GPR19: variants seen among roughly 807,000 people sequenced by gnomAD.
The protein encoded by GPR19 is probable G protein-coupled receptor 19.
A neutral mutation model predicts 28.5 loss-of-function variants in GPR19; 14 were observed. The ratio of observed to expected loss-of-function variants is 0.49; its 90% CI spans 0.32 to 0.77. The LOEUF is 0.77. Among genes scored for constraint, GPR19 ranks in the 30% least tolerant of loss-of-function variants. The probability of loss-of-function intolerance (pLI) is 0.03; values close to 1 mark genes in which losing one functional copy is unlikely to be tolerated. For synonymous variants in GPR19, 173 were observed against 184.1 expected, an observed-to-expected ratio of 0.94 and a Z score of 0.49; for missense variants, 409 against 504.1, an observed-to-expected ratio of 0.81 and a Z score of 1.81.
At chr12:12,686,243 T>A (rs755194506) in intron 2 of GPR19, among the ~76,000 whole-genome samples, 14 of 152,236 alleles carry the variant, frequency 9.2e-5, no homozygotes, top group Non-Finnish European at 1.8e-4. Flanking sequence ...AGCTGGAGTA[T>A]AATTTTCAAG....
At position 12,661,780 on chromosome 12, in the gene GPR19, G is replaced by GTAGGTT; in HGVS notation, c.668_669insAACCTA (p.Ala222_Tyr223insTer). On this transcript the variant is annotated stop_gained, in exon 4 of 4. Transcript: ENST00000651487. LOFTEE classifies it high-confidence loss of function. The surrounding 1 kb of genome is among the most constrained non-coding windows in gnomAD (Gnocchi z 4.2). The stretch of plus-strand genomic sequence containing the variant: ...AGCCCACCAAGAAGTGGATGACAGT[G>GTAGGTT]TAGGCAGTGCCTTCCCAAGAGGAGG... The GTAGGTT allele has an allele frequency of 6.2e-7, 1 of 1,614,136 alleles. No homozygotes were observed. The highest frequency in any genetic ancestry group is 8.5e-7 in the Non-Finnish European group (1 of 1,179,992).
At chr12:12,688,441 A>G (rs980778218) in intron 2 of GPR19, 1 of 152,200 alleles carries the variant, frequency 6.6e-6, no homozygotes, top group African/African-American at 2.4e-5. Flanking sequence ...ATAATATTCT[A>G]CAAGAGAACT....
intron 2 of GPR19, among the ~76,000 whole-genome samples, chr12:12,685,362 T>C (rs1946080486): frequency 6.7e-6 from 1 of 149,180 alleles, no homozygotes; most frequent in South Asian, 2.2e-4. Flanking sequence ...CAGAAACACA[T>C]AGGAATTCTG....
At position 12,670,318 on chromosome 12, in the gene GPR19, G is replaced by T. The variant is rs140499115; in HGVS notation, c.-22-7848C>A. 1.6e-3 allele frequency among the ~76,000 whole-genome samples: 247 copies of T among 152,292 alleles called. 8 individuals are homozygous for T. The East Asian group carries it at 0.039, about 24-fold the overall frequency. On this transcript the variant is annotated intron_variant, in intron 3 of 3. Transcript: ENST00000651487. Reference sequence around the variant, plus strand: ...GTTAAATCTGGCAAACCTACACCCAGAATGTAATCTTCTGCTAAAAAAATC... The same window carrying T: ...GTTAAATCTGGCAAACCTACACCCATAATGTAATCTTCTGCTAAAAAAATC...
chr12:12,694,779 C>T, intron 2 of GPR19, among the ~76,000 whole-genome samples: 1 of 152,260 alleles, frequency 6.6e-6, no homozygotes, highest in African/African-American at 2.4e-5. Flanking sequence ...GACATCATAT[C>T]GAGATGTCAT....
At chr12:12,665,246 C>T (rs372909061) in intron 3 of GPR19, among the ~76,000 whole-genome samples, 208 of 152,264 alleles carry the variant, frequency 1.4e-3, no homozygotes, top group African/African-American at 4.7e-3. Context: ...CTCTTTCTTC[C>T]TCTAACAACA....
chr12:12,663,066 C>T (rs1453727564), intron 3 of GPR19, among the ~76,000 whole-genome samples: 1 of 152,194 alleles, frequency 6.6e-6, no homozygotes, highest in Non-Finnish European at 1.5e-5. Context: ...AACACTGCTA[C>T]ATGAGCCAGA....
the GPR19 span, among the ~76,000 whole-genome samples, chr12:12,702,830 AATG>A: frequency 2.6e-5 from 4 of 152,188 alleles, no homozygotes; most frequent in African/African-American, 9.7e-5. Flanking sequence ...GGTGTTAAAA[AATG>A]ATGATTTAAT....
At chr12:12,709,075 C>T in the GPR19 span, among the ~76,000 whole-genome samples, 123,656 of 151,402 alleles carry the variant, frequency 0.82, 51,132 homozygotes, top group East Asian at 0.94. Context: ...TAAAGTATTA[C>T]GTTAATTAGG....
intron 2 of GPR19, among the ~76,000 whole-genome samples, chr12:12,692,448 G>A (rs1946196959): frequency 6.6e-6 from 1 of 152,018 alleles, no homozygotes; most frequent in Non-Finnish European, 1.5e-5. Flanking sequence ...GCCCAGACCG[G>A]TCTTGAACTC....
intron 3 of GPR19, among the ~76,000 whole-genome samples, chr12:12,671,693 C>G (rs945385833): frequency 6.6e-6 from 1 of 152,166 alleles, no homozygotes; most frequent in African/African-American, 2.4e-5. Context: ...ATTCCTGGCT[C>G]AGAAATTCTG....
In GPR19 at chr12:12,662,333, T is replaced by A; in HGVS notation, c.116A>T (p.Tyr39Phe). Residue 39 changes from tyrosine (Y) to phenylalanine (F), a missense_variant, in exon 4 of 4, where the codon TAC becomes TTC. Physicochemically the swap from Tyr to Phe is conservative, Grantham distance 22. Coordinates refer to ENST00000651487, the MANE Select transcript of GPR19 (RefSeq NM_006143.3). ...GTGCTCCTCACTTAATTCCATCAGG[T>A]ATTGGCTTGGCAGAGGTGTGGCTGT... ...TETATPLPSQYLMELSEEHSW... is the reference protein window; with the variant it reads ...TETATPLPSQFLMELSEEHSW... 1 of 1,614,192 alleles carries A rather than the reference T, an allele frequency of 6.2e-7. No individual in the cohort carries two copies.
At chr12:12,665,901 A>G (rs1198403899) in intron 3 of GPR19, among the ~76,000 whole-genome samples, 1 of 151,826 alleles carries the variant, frequency 6.6e-6, no homozygotes, top group Non-Finnish European at 1.5e-5. Context: ...TTTGATAATA[A>G]TTATAATTCA....
At chr12:12,683,081 G>T (rs1371454684) in intron 3 of GPR19, among the ~76,000 whole-genome samples, 1 of 152,160 alleles carries the variant, frequency 6.6e-6, no homozygotes, top group Non-Finnish European at 1.5e-5. Flanking sequence ...TAGGTTCTAG[G>T]ATGGAAGAGT....
chr12:12,678,020 G>C (rs1945958027), intron 3 of GPR19, among the ~76,000 whole-genome samples: 1 of 144,398 alleles, frequency 6.9e-6, no homozygotes, highest in African/African-American at 2.6e-5. Context: ...GTTGCGGTGA[G>C]CTGAGATCGT....
At chr12:12,673,816 C>A (rs984358960) in intron 3 of GPR19, among the ~76,000 whole-genome samples, 2 of 152,250 alleles carry the variant, frequency 1.3e-5, no homozygotes, top group South Asian at 4.2e-4. Flanking sequence ...GAAAATTCAT[C>A]GCAGGTTTCA....
At chr12:12,676,221 C>T (rs1945928979) in intron 3 of GPR19, among the ~76,000 whole-genome samples, 1 of 152,110 alleles carries the variant, frequency 6.6e-6, no homozygotes, top group Non-Finnish European at 1.5e-5. Context: ...TCAAGAGACC[C>T]CGGTCTTATT....
At chr12:12,665,845 A>AG (rs1945768623) in intron 3 of GPR19, among the ~76,000 whole-genome samples, 6 of 126,960 alleles carry the variant, frequency 4.7e-5, no homozygotes, top group African/African-American at 1.6e-4. Context: ...AAAAAAAAAA[A>AG]AAAGAAAACA....
At chr12:12,703,899 T>C in the GPR19 span, among the ~76,000 whole-genome samples, 1 of 152,196 alleles carries the variant, frequency 6.6e-6, no homozygotes, top group Non-Finnish European at 1.5e-5. Flanking sequence ...TTACCTACTT[T>C]GCGGTTATTT....
Sources: gnomAD v4.1 joint callset for allele counts (sites outside exome capture counted in the v4.1 genomes callset) on GRCh38, gnomAD v4.1.1 for gene constraint, Gnocchi (gnomAD v3.1) non-coding constraint, MANE v1.5 for transcripts, NCBI Gene and HGNC (gene_info 2026-07-23, HGNC 2026-07-21) for gene names.